The following EYA1 variants were observed in gnomAD, a reference collection of about 807,000 sequenced individuals.
EYA1 encodes the protein EYA transcriptional coactivator and phosphatase 1, also known as protein phosphatase EYA1.
A neutral mutation model predicts 82.0 loss-of-function variants in EYA1; 16 were observed. The observed-to-expected ratio is 0.20, with a 90% CI of 0.13 to 0.30. EYA1 has a LOEUF of 0.30. EYA1 is among the 10% of genes least tolerant of loss of function. The pLI is 1.00. For synonymous variants in EYA1, 261 were observed against 264.4 expected (o/e 0.99, Z 0.12); for missense variants, 633 against 730.7 (o/e 0.87, Z 1.54).
In EYA1 at chr8:71,215,456, C is replaced by G; in HGVS notation, c.1528G>C (p.Ala510Pro). Residue 510 changes from alanine (A) to proline (P), a missense_variant, in exon 16 of 18, where the codon GCG becomes CCG. Physicochemically the swap from Ala to Pro is conservative, Grantham distance 27 (BLOSUM62 -1). Transcript: ENST00000340726. ...CCTAACCCATACAGCAGGACTTTCG[C>G]CAATGCTGGGATGAGCTGAGTAGTT... Reference protein sequence around the residue: ...VTTTQLIPALAKVLLYGLGIV... With the variant: ...VTTTQLIPALPKVLLYGLGIV... The G allele has an allele frequency of 6.2e-7, 1 of 1,613,378 alleles. No homozygotes were observed. Among genetic ancestry groups the G allele is most frequent in the Non-Finnish European group, 8.5e-7 (1 of 1,179,314 alleles).
intron 11 of EYA1, among the ~76,000 whole-genome samples, chr8:71,260,914 T>A (rs1815021618): frequency 6.6e-6 from 1 of 152,178 alleles, no homozygotes. Context: ...CCTTAAACAA[T>A]TCCTTACTTA....
intron 2 of EYA1, among the ~76,000 whole-genome samples, chr8:71,512,650 TA>T (rs1268546577): frequency 2.0e-5 from 3 of 151,730 alleles, no homozygotes; most frequent in Admixed American, 2.0e-4. Flanking sequence ...GGACAGATTT[TA>T]AAAAAAATCT....
At chr8:71,215,545 A>G in intron 15 of EYA1, 37 bp from the exon 16 acceptor site, 1 of 1,612,784 alleles carries the variant, frequency 6.2e-7, no homozygotes, top group Admixed American at 1.7e-5. Context: ...CTGTTGAAAA[A>G]TAAATCTCCA....
intron 2 of EYA1, among the ~76,000 whole-genome samples, chr8:71,490,176 G>C (rs1810889120): frequency 6.6e-6 from 1 of 152,230 alleles, no homozygotes; most frequent in African/African-American, 2.4e-5. Flanking sequence ...ACATCTTGCA[G>C]TTTACACAGC....
At chr8:71,298,885 T>C (rs886458515) in intron 9 of EYA1, among the ~76,000 whole-genome samples, 162 bp downstream of exon 9, 18 of 152,114 alleles carry the variant, frequency 1.2e-4, no homozygotes, top group Non-Finnish European at 5.9e-5. Flanking sequence ...AATAAAAAAA[T>C]AAATAAAAAT....
chr8:71,319,872 G>A (rs772082273), intron 6 of EYA1, among the ~76,000 whole-genome samples: 1 of 152,144 alleles, frequency 6.6e-6, no homozygotes, highest in Non-Finnish European at 1.5e-5. Context: ...TCAGAAGTAC[G>A]CAGGGCATCT....
rs138809062 is a variant in EYA1 at position 71,278,512 on chromosome 8, T to G, written c.827-6615A>C. On this transcript the variant is annotated intron_variant, in intron 9 of 17. Transcript: ENST00000340726. ...CACAGAACAGTGCATCATTTTTAATTTGCATATATTAAAGATGCTTATATA... is the reference window on the plus strand; with the variant it reads ...CACAGAACAGTGCATCATTTTTAATGTGCATATATTAAAGATGCTTATATA... Among the ~76,000 whole-genome samples the G allele has an allele frequency of 9.0e-4, 137 of 152,358 alleles. 1 individual carries two copies. The highest frequency in any genetic ancestry group is 3.0e-3 in the African/African-American group (124 of 41,588).
intron 2 of EYA1, among the ~76,000 whole-genome samples, chr8:71,445,419 T>C (rs536336915): frequency 9.8e-5 from 15 of 152,322 alleles, no homozygotes; most frequent in Non-Finnish European, 2.2e-4. Flanking sequence ...AACTATCGGT[T>C]AAGTAAAATG....
At chr8:71,300,268 T>C (rs1415137259) in intron 7 of EYA1, among the ~76,000 whole-genome samples, 1 of 152,194 alleles carries the variant, frequency 6.6e-6, no homozygotes, top group Non-Finnish European at 1.5e-5. Flanking sequence ...GATTAATGTT[T>C]TATCTGTTAC....
chr8:71,379,423 G>A (rs1274740027), intron 2 of EYA1, among the ~76,000 whole-genome samples: 2 of 152,040 alleles, frequency 1.3e-5, no homozygotes, highest in African/African-American at 4.8e-5. Context: ...AAGGTACACT[G>A]GAGAAGTCAG....
intron 2 of EYA1, among the ~76,000 whole-genome samples, chr8:71,526,333 C>T (rs2129277125): frequency 6.6e-6 from 1 of 151,852 alleles, no homozygotes; most frequent in African/African-American, 2.4e-5. Context: ...TATTCATGAT[C>T]AAGCTTCACT....
At chr8:71,337,042 C>T (rs374314818) in intron 3 of EYA1, among the ~76,000 whole-genome samples, 2 of 152,160 alleles carry the variant, frequency 1.3e-5, no homozygotes, top group Non-Finnish European at 2.9e-5. Flanking sequence ...TTATCCATCC[C>T]ATTCCCACTA....
intron 11 of EYA1, among the ~76,000 whole-genome samples, chr8:71,254,331 C>A (rs1814141647): frequency 7.1e-6 from 1 of 140,080 alleles, no homozygotes; most frequent in African/African-American, 2.7e-5. Flanking sequence ...GTAGGAAATA[C>A]AGAGGACAAA....
At chr8:71,385,909 T>C (rs933905325) in intron 2 of EYA1, among the ~76,000 whole-genome samples, 1 of 152,164 alleles carries the variant, frequency 6.6e-6, no homozygotes, top group African/African-American at 2.4e-5. Context: ...ATGAGTGGTG[T>C]GGTTCTCATT....
At chr8:71,495,528 C>T (rs1023396270) in intron 2 of EYA1, among the ~76,000 whole-genome samples, 1 of 152,146 alleles carries the variant, frequency 6.6e-6, no homozygotes, top group Non-Finnish European at 1.5e-5. Flanking sequence ...AGAAGAATCG[C>T]TTGAACCTGA....
intron 2 of EYA1, among the ~76,000 whole-genome samples, chr8:71,498,976 T>C (rs1318818376): frequency 6.6e-6 from 1 of 152,148 alleles, no homozygotes; most frequent in Non-Finnish European, 1.5e-5. Flanking sequence ...TGTTCAAATT[T>C]AATTTAGACA....
chr8:71,218,019 G>A (rs1366751322), intron 12 of EYA1, among the ~76,000 whole-genome samples: 1 of 152,162 alleles, frequency 6.6e-6, no homozygotes, highest in African/African-American at 2.4e-5. Flanking sequence ...CTCTAGTCCA[G>A]AAACTTAACA....
chr8:71,209,616 G>A (rs1808259457), intron 17 of EYA1, among the ~76,000 whole-genome samples: 1 of 152,206 alleles, frequency 6.6e-6, no homozygotes. Context: ...GGCTGGCCAT[G>A]TATCATACTT....
At chr8:71,339,831 AG>A (rs2129052288) in intron 3 of EYA1, among the ~76,000 whole-genome samples, 1 of 152,312 alleles carries the variant, frequency 6.6e-6, no homozygotes, top group South Asian at 2.1e-4. Context: ...AATATAACAT[AG>A]CAATAGTTCT....
Sources: gnomAD v4.1 joint callset for allele counts (sites outside exome capture counted in the v4.1 genomes callset) on GRCh38, gnomAD v4.1.1 for gene constraint, MANE v1.5 for transcripts, NCBI Gene and HGNC (gene_info 2026-07-23, HGNC 2026-07-21) for gene names.